The following CSMD1 variants were observed in gnomAD, a reference collection of about 807,000 sequenced individuals.
The protein encoded by CSMD1 is CUB and sushi domain-containing protein 1.
In CSMD1, 213 loss-of-function variants were observed where a neutral mutation model predicts 417.5. The ratio of observed to expected loss-of-function variants is 0.51; its 90% CI spans 0.46 to 0.57. The LOEUF is 0.57. Ranked by LOEUF, CSMD1 falls within the 20% of genes least tolerant of loss-of-function variation. The pLI, the probability that CSMD1 is intolerant of heterozygous loss-of-function variation, is 0.00. For synonymous variants in CSMD1, 2,862 were observed against 1,736.8 expected, an observed-to-expected ratio of 1.65 and a Z score of -16.11; for missense variants, 6,923 against 4,529.7, an observed-to-expected ratio of 1.53 and a Z score of -15.17.
chr8:4,303,948 G>C (rs181053584), intron 3 of CSMD1, among the ~76,000 whole-genome samples: 1 of 152,208 alleles, frequency 6.6e-6, no homozygotes, highest in African/African-American at 2.4e-5. Context: ...AGCTCCAGCT[G>C]CCACTTTTCC....
At chr8:4,401,607 C>T (rs769048697) in intron 3 of CSMD1, among the ~76,000 whole-genome samples, 3 of 152,204 alleles carry the variant, frequency 2.0e-5, no homozygotes, top group East Asian at 1.9e-4. Flanking sequence ...CCTGTCACCT[C>T]GGTCACCACA....
At position 3,744,334 on chromosome 8, in the gene CSMD1, C is replaced by G. The variant is rs527244672; in HGVS notation, c.931+9596G>C. ...AGAGCATCTACTCTGCCTGTGATAC[C>G]CTGTGGGCTTCCACTGATTACTAAA... On this transcript the variant is annotated intron_variant, in intron 6 of 69. Transcript: ENST00000635120. Among the ~76,000 whole-genome samples, 15 of 152,104 alleles carry G rather than the reference C, an allele frequency of 9.9e-5. No homozygotes were observed. In the South Asian group the frequency reaches 2.9e-3, roughly 30 times the overall value.
chr8:3,552,471 A>T (rs1017754388), intron 10 of CSMD1, among the ~76,000 whole-genome samples: 1 of 152,198 alleles, frequency 6.6e-6, no homozygotes, highest in Non-Finnish European at 1.5e-5. Flanking sequence ...GCTTCCTCTG[A>T]CCTGTGATAA....
At chr8:4,666,311 C>G (rs1462903844) in intron 1 of CSMD1, among the ~76,000 whole-genome samples, 2 of 152,064 alleles carry the variant, frequency 1.3e-5, no homozygotes, top group African/African-American at 4.8e-5. Flanking sequence ...TTTGGAATAG[C>G]CAGATGGGCC....
chr8:3,166,971 G>T (rs1235768559), intron 37 of CSMD1, among the ~76,000 whole-genome samples: 1 of 152,166 alleles, frequency 6.6e-6, no homozygotes, highest in Non-Finnish European at 1.5e-5. Flanking sequence ...ATCATATGGG[G>T]TGAAGCAATG....
intron 3 of CSMD1, among the ~76,000 whole-genome samples, chr8:4,171,288 G>T (rs186682660): frequency 6.6e-6 from 1 of 151,842 alleles, no homozygotes; most frequent in Non-Finnish European, 1.5e-5. Flanking sequence ...GGCATTTATT[G>T]TAAGCAACCC....
chr8:2,961,786 A>G (rs1371040543), intron 61 of CSMD1, among the ~76,000 whole-genome samples: 1 of 152,228 alleles, frequency 6.6e-6, no homozygotes, highest in Non-Finnish European at 1.5e-5. Context: ...AACAAAACAG[A>G]TAACTTCTTA....
At chr8:3,268,287 C>CCTTTT (rs1801580454) in intron 26 of CSMD1, among the ~76,000 whole-genome samples, 1 of 114,652 alleles carries the variant, frequency 8.7e-6, no homozygotes, top group Non-Finnish European at 1.7e-5. Flanking sequence ...GGTTCATTTC[C>CCTTTT]TATTTTTTTT....
Position 4,873,195 on chromosome 8 carries a change from T to C in CSMD1, c.85+121137A>G, listed in dbSNP as rs575278961. 5.3e-5 allele frequency among the ~76,000 whole-genome samples: 8 copies of C among 152,180 alleles called. No individual in the cohort carries two copies. The South Asian group carries it at 1.7e-3, about 32-fold the overall frequency. ...AATGATAGGAGGTGGCAACAATGAGTAATCTGTATTTAATTATTGGGGTTT... is the reference window on the plus strand; with the variant it reads ...AATGATAGGAGGTGGCAACAATGAGCAATCTGTATTTAATTATTGGGGTTT... On this transcript the variant is annotated intron_variant, in intron 1 of 69. Transcript: ENST00000635120.
intron 2 of CSMD1, among the ~76,000 whole-genome samples, chr8:4,516,454 C>T (rs999111609): frequency 4.6e-5 from 7 of 152,180 alleles, no homozygotes; most frequent in Non-Finnish European, 7.3e-5. Flanking sequence ...ACGCCTCACC[C>T]TCCAGGCTGC....
At chr8:4,071,324 T>C (rs913959348) in intron 3 of CSMD1, among the ~76,000 whole-genome samples, 17 of 152,306 alleles carry the variant, frequency 1.1e-4, no homozygotes, top group South Asian at 4.1e-4. Flanking sequence ...ATAATTTCCA[T>C]TGGACTAACA....
At chr8:3,969,778 C>T (rs1812952863) in intron 5 of CSMD1, among the ~76,000 whole-genome samples, 1 of 152,120 alleles carries the variant, frequency 6.6e-6, no homozygotes, top group South Asian at 2.1e-4. Context: ...TTTTAAATCA[C>T]TGAAGAAGAA....
At chr8:4,063,807 T>C (rs1336576272) in intron 3 of CSMD1, among the ~76,000 whole-genome samples, 1 of 152,166 alleles carries the variant, frequency 6.6e-6, no homozygotes, top group East Asian at 1.9e-4. Flanking sequence ...TGCATCTATC[T>C]GAGAGCACTT....
At chr8:3,953,501 T>A (rs567313737) in intron 5 of CSMD1, among the ~76,000 whole-genome samples, 1 of 151,886 alleles carries the variant, frequency 6.6e-6, no homozygotes, top group South Asian at 2.1e-4. Context: ...AGTTTGGGGG[T>A]TTCACTGGGA....
intron 5 of CSMD1, among the ~76,000 whole-genome samples, chr8:3,812,945 A>G (rs1249340394): frequency 6.6e-6 from 1 of 152,156 alleles, no homozygotes; most frequent in Non-Finnish European, 1.5e-5. Flanking sequence ...TCAGGTATCT[A>G]TCATGGTAAA....
At chr8:4,192,503 G>A (rs752068820) in intron 3 of CSMD1, among the ~76,000 whole-genome samples, 8 of 151,578 alleles carry the variant, frequency 5.3e-5, no homozygotes, top group East Asian at 1.9e-4. Context: ...ACTAAAGCCC[G>A]TTTAAGACAA....
chr8:3,246,282 C>A (rs978221289), intron 26 of CSMD1, among the ~76,000 whole-genome samples: 1 of 152,098 alleles, frequency 6.6e-6, no homozygotes, highest in Non-Finnish European at 1.5e-5. Context: ...TGATCTCATT[C>A]CTCACATGGG....
chr8:3,569,108 G>C (rs1310953219), intron 10 of CSMD1, among the ~76,000 whole-genome samples: 1 of 152,032 alleles, frequency 6.6e-6, no homozygotes, highest in Non-Finnish European at 1.5e-5. Context: ...GAATACCCTG[G>C]TATGAGCTGT....
intron 2 of CSMD1, among the ~76,000 whole-genome samples, chr8:4,434,823 C>A (rs1332797031): frequency 6.6e-6 from 1 of 152,174 alleles, no homozygotes; most frequent in Non-Finnish European, 1.5e-5. Flanking sequence ...TTCACCAGGG[C>A]TCAACCATCC....
Sources: gnomAD v4.1 joint callset for allele counts (sites outside exome capture counted in the v4.1 genomes callset) on GRCh38, gnomAD v4.1.1 for gene constraint, MANE v1.5 for transcripts, NCBI Gene and HGNC (gene_info 2026-07-23, HGNC 2026-07-21) for gene names.